The following CAMK2D variants were observed in gnomAD, a reference collection of about 807,000 sequenced individuals.
The protein encoded by CAMK2D is calcium/calmodulin-dependent protein kinase type II subunit delta.
CAMK2D carries 37 observed loss-of-function variants against 84.0 expected under a neutral mutation model. That is an observed-to-expected ratio of 0.44 (90% CI 0.34 to 0.58). CAMK2D has a LOEUF of 0.58. CAMK2D is among the 20% of genes least tolerant of loss of function. The pLI is 0.02. For synonymous variants in CAMK2D, 202 were observed against 212.5 expected, an observed-to-expected ratio of 0.95 and a Z score of 0.43; for missense variants, 448 against 652.5, an observed-to-expected ratio of 0.69 and a Z score of 3.41.
At chr4:113,506,691 C>G (rs549477915) in intron 13 of CAMK2D, among the ~76,000 whole-genome samples, 1 of 152,046 alleles carries the variant, frequency 6.6e-6, no homozygotes, top group African/African-American at 2.4e-5. Flanking sequence ...GTTAAAGCAC[C>G]ACATGTATTT....
At chr4:113,617,378 G>A (rs555200629) in intron 3 of CAMK2D, among the ~76,000 whole-genome samples, 41 of 151,822 alleles carry the variant, frequency 2.7e-4, no homozygotes, top group Middle Eastern at 6.8e-3. Flanking sequence ...CAGGAGAATC[G>A]CTTGAACCAG....
At chr4:113,622,297 A>G (rs1040880047) in intron 3 of CAMK2D, among the ~76,000 whole-genome samples, 2 of 152,158 alleles carry the variant, frequency 1.3e-5, no homozygotes, top group Non-Finnish European at 2.9e-5. Context: ...CCAAACTGGG[A>G]CACTCTGAGA....
At chr4:113,659,766 C>T (rs929110016) in intron 3 of CAMK2D, among the ~76,000 whole-genome samples, 1 of 152,130 alleles carries the variant, frequency 6.6e-6, no homozygotes, top group African/African-American at 2.4e-5. Context: ...ACAAGAAATG[C>T]CATAAATTTT....
intron 2 of CAMK2D, chr4:113,754,431 A>C (rs1005625121): frequency 1.1e-6 from 1 of 949,110 alleles, no homozygotes; most frequent in African/African-American, 1.8e-5. Context: ...ATTCGTGATT[A>C]TTACCATTAA....
intron 2 of CAMK2D, among the ~76,000 whole-genome samples, chr4:113,699,710 T>C (rs2154347135): frequency 6.6e-6 from 1 of 152,354 alleles, no homozygotes; most frequent in African/African-American, 2.4e-5. Context: ...ACATTTTGAA[T>C]GTTGAGATTA....
intron 3 of CAMK2D, among the ~76,000 whole-genome samples, chr4:113,654,951 C>T (rs148623617): frequency 1.5e-3 from 225 of 151,950 alleles, no homozygotes; most frequent in African/African-American, 4.8e-3. Flanking sequence ...TGAATACGCA[C>T]ATCTCAGAAA....
chr4:113,459,714 C>T (rs2097349750), intron 18 of CAMK2D, among the ~76,000 whole-genome samples: 1 of 150,344 alleles, frequency 6.7e-6, no homozygotes, highest in East Asian at 2.0e-4. Context: ...GCAACTTCCA[C>T]CTCACGGGTT....
At chr4:113,637,769 A>ATT (rs538927817) in intron 3 of CAMK2D, among the ~76,000 whole-genome samples, 1 of 151,376 alleles carries the variant, frequency 6.6e-6, no homozygotes, top group African/African-American at 2.4e-5. Context: ...AAAAGTACAC[A>ATT]TTTTTTTTTA....
rs745490332 is a variant in CAMK2D, at chr4:113,754,378, T to A, written c.160+4942A>T. On this transcript the variant is annotated intron_variant, in intron 2 of 20. Transcript: ENST00000511664. ...ATTAAAATTCTAGTTAACAAAAAAG[T>A]TAGATGCCCAAGAAAAGCCCAGTAC... The A allele has an allele frequency of 3.1e-5, 30 of 981,172 alleles. No individual in the cohort carries two copies. The Middle Eastern group carries it at 1.6e-3, about 52-fold the overall frequency. The allele number at this position is 981,172 out of a possible 1,614,324, so 60.8% of individuals were successfully genotyped here.
intron 3 of CAMK2D, among the ~76,000 whole-genome samples, chr4:113,644,293 T>C (rs1482548481): frequency 6.6e-6 from 1 of 152,196 alleles, no homozygotes; most frequent in Non-Finnish European, 1.5e-5. Flanking sequence ...AGCTGACCTA[T>C]ATCATAAATG....
intron 16 of CAMK2D, among the ~76,000 whole-genome samples, chr4:113,469,173 C>T (rs977606569): frequency 1.3e-5 from 2 of 152,126 alleles, no homozygotes; most frequent in Non-Finnish European, 2.9e-5. Flanking sequence ...AAATAAAACC[C>T]AAGAACTGAG....
At chr4:113,558,810 C>T (rs2098683785) in intron 4 of CAMK2D, among the ~76,000 whole-genome samples, 1 of 149,622 alleles carries the variant, frequency 6.7e-6, no homozygotes, top group Non-Finnish European at 1.5e-5. Context: ...AGTTCAAAAA[C>T]AGCCTAGGTA....
intron 2 of CAMK2D, chr4:113,754,086 T>C (rs1159244219): frequency 1.2e-6 from 1 of 868,704 alleles, no homozygotes; most frequent in Non-Finnish European, 1.4e-6. Flanking sequence ...TATAAAGTGA[T>C]TTGAAATATA....
chr4:113,519,765 G>A (rs1015991660), intron 8 of CAMK2D, among the ~76,000 whole-genome samples: 2 of 152,124 alleles, frequency 1.3e-5, no homozygotes, highest in Non-Finnish European at 2.9e-5. Context: ...TCAGAGTTAT[G>A]TGTGCTTTAA....
intron 16 of CAMK2D, among the ~76,000 whole-genome samples, chr4:113,470,754 T>C (rs2097538200): frequency 6.6e-6 from 1 of 152,250 alleles, no homozygotes; most frequent in South Asian, 2.1e-4. Flanking sequence ...AGTACACTTG[T>C]ATTTACATAT....
At chr4:113,538,516 G>GA (rs1198292375) in intron 6 of CAMK2D, among the ~76,000 whole-genome samples, 1 of 152,124 alleles carries the variant, frequency 6.6e-6, no homozygotes, top group Non-Finnish European at 1.5e-5. Context: ...GTCTCAGACT[G>GA]AAAAAAGTTG....
intron 4 of CAMK2D, among the ~76,000 whole-genome samples, chr4:113,552,877 AG>A (rs1310778270): frequency 6.6e-6 from 1 of 152,182 alleles, no homozygotes; most frequent in Non-Finnish European, 1.5e-5. Context: ...AAAATTGTGA[AG>A]GTGCTCACAG....
intron 16 of CAMK2D, among the ~76,000 whole-genome samples, chr4:113,468,457 A>T (rs962121120): frequency 6.6e-6 from 1 of 152,150 alleles, no homozygotes; most frequent in African/African-American, 2.4e-5. Context: ...GGGGCAAAGG[A>T]GCTTGAGTGA....
chr4:113,756,019 T>C (rs1048343200), intron 2 of CAMK2D, among the ~76,000 whole-genome samples: 1 of 152,010 alleles, frequency 6.6e-6, no homozygotes, highest in African/African-American at 2.4e-5. Context: ...TATATGAGTG[T>C]ACCCATCTAC....
Sources: gnomAD v4.1 joint callset for allele counts (sites outside exome capture counted in the v4.1 genomes callset) on GRCh38, gnomAD v4.1.1 for gene constraint, MANE v1.5 for transcripts, NCBI Gene and HGNC (gene_info 2026-07-23, HGNC 2026-07-21) for gene names.